Variants in ACAN observed in about 807,000 individuals in gnomAD.
ACAN encodes aggrecan core protein.
A neutral mutation model predicts 169.1 loss-of-function variants in ACAN; 47 were observed. The observed-to-expected ratio is 0.28, with a 90% CI of 0.22 to 0.35. The LOEUF (loss-of-function observed/expected upper bound fraction) is 0.35, where lower values mean the gene tolerates loss of function less well. Ranked by LOEUF, ACAN falls within the 10% of genes least tolerant of loss-of-function variation. The pLI, the probability that ACAN is intolerant of heterozygous loss-of-function variation, is 1.00. For synonymous variants in ACAN, 1,115 were observed against 1,112.2 expected (o/e 1.00, Z -0.05); for missense variants, 2,716 against 2,759.9 (o/e 0.98, Z 0.36).
At chr15:88,831,717 C>G (rs1312671155) in intron 1 of ACAN, among the ~76,000 whole-genome samples, 2 of 152,186 alleles carry the variant, frequency 1.3e-5, no homozygotes, top group African/African-American at 4.8e-5. Flanking sequence ...AGCAACTCAG[C>G]CTCCTCCTTG....
chr15:88,811,278 G>A (rs1304835674), intron 1 of ACAN, among the ~76,000 whole-genome samples: 4 of 152,156 alleles, frequency 2.6e-5, no homozygotes, highest in East Asian at 3.9e-4. Context: ...GAATTTGACC[G>A]TGAAGCTTTT....
At position 88,859,187 on chromosome 15, in the gene ACAN, A is replaced by T; in HGVS notation, c.6602A>T (p.Asp2201Val). ...ASGDRTEISGDLSGHTSQLGV... is the reference protein window; with the variant it reads ...ASGDRTEISGVLSGHTSQLGV... ...GGAGACAGGACTGAAATCAGCGGAG[A>T]CCTGTCTGGTCACACCTCGCAGCTG... The change falls in exon 12 of 19, where the codon GAC (aspartate) becomes GTC (valine). Residue 2201 changes from aspartate (D) to valine (V), a missense_variant. This residue lies in a region of ACAN where 1,389 missense variants were observed against 1,363.7 expected (regional missense o/e 1.02). Transcript: ENST00000560601. 6.2e-7 allele frequency: 1 copy of T among 1,613,722 alleles called. No individual in the cohort carries two copies. Among genetic ancestry groups the T allele is most frequent in the Non-Finnish European group, 8.5e-7 (1 of 1,179,864 alleles).
At chr15:88,813,659 G>A (rs1386468247) in intron 1 of ACAN, among the ~76,000 whole-genome samples, 1 of 152,218 alleles carries the variant, frequency 6.6e-6, no homozygotes, top group Non-Finnish European at 1.5e-5. Context: ...GCATGTGCCA[G>A]GGCCATCTTT....
rs1897098284 is a variant in ACAN, at chr15:88,857,952, A to G, written c.5367A>G (p.Thr1789=). 6.2e-7 allele frequency: 1 copy of G among 1,613,624 alleles called. No homozygotes were observed. Among genetic ancestry groups the G allele is most frequent in the South Asian group, 1.1e-5 (1 of 91,050 alleles). The change falls in exon 12 of 19, where the codon ACA becomes ACG. Residue 1789 remains threonine, a synonymous_variant. Transcript: ENST00000560601. ...GCATAACTGATCTGAGTGGAGAAAC[A>G]TCTGGGGTCCCTGATCTCAGTGGGC... ...PFGITDLSGE[T]SGVPDLSGQP... is the part of the protein sequence containing the mutation.
chr15:88,844,108 G>C (rs1408853404), intron 6 of ACAN, among the ~76,000 whole-genome samples: 2 of 152,040 alleles, frequency 1.3e-5, no homozygotes, highest in Non-Finnish European at 2.9e-5. Context: ...TCTAAAAGGA[G>C]GGTCAAAATG....
At position 88,870,255 on chromosome 15, in the gene ACAN, G is replaced by A. The variant is rs1049178771; in HGVS notation, c.7061-1127G>A. The stretch of plus-strand genomic sequence containing the variant: ...TTCAGCCTAAGACTCCTTCCCCTCG[G>A]GTACTGGTCCTTCCATTCCAGGACA... On this transcript the variant is annotated intron_variant, in intron 14 of 18. Coordinates refer to ENST00000560601, the MANE Select transcript of ACAN (RefSeq NM_001369268.1). The surrounding 1 kb of genome is among the most constrained non-coding windows in gnomAD (Gnocchi z 6.3). Among the ~76,000 whole-genome samples, 2 of 152,110 alleles carry A rather than the reference G, an allele frequency of 1.3e-5. No homozygotes were observed. The highest frequency in any genetic ancestry group is 4.8e-5 in the African/African-American group (2 of 41,422).
At position 88,827,759 on chromosome 15, in the gene ACAN, C is replaced by G. The variant is rs77382083; in HGVS notation, c.-7-8441C>G. On this transcript the variant is annotated intron_variant, in intron 1 of 18. Transcript: ENST00000560601. Reference sequence around the variant, plus strand: ...TTGAGAAAGGAGGCCAACTCAGCATCTCTCATTTAAGTCCTACAGCGTCCT... The same window carrying G: ...TTGAGAAAGGAGGCCAACTCAGCATGTCTCATTTAAGTCCTACAGCGTCCT... 1.1e-3 allele frequency among the ~76,000 whole-genome samples: 163 copies of G among 152,350 alleles called. No individual in the cohort carries two copies. The East Asian group carries it at 0.028, about 27-fold the overall frequency.
intron 4 of ACAN, among the ~76,000 whole-genome samples, chr15:88,840,650 T>C (rs774938188): frequency 2.0e-5 from 3 of 151,960 alleles, no homozygotes; most frequent in Non-Finnish European, 2.9e-5. Flanking sequence ...CTCAATGCAC[T>C]GTGAAGGCAA....
chr15:88,828,140 AGGCGGT>A (rs1896270425), intron 1 of ACAN, among the ~76,000 whole-genome samples: 1 of 152,194 alleles, frequency 6.6e-6, no homozygotes, highest in South Asian at 2.1e-4. Context: ...GGAGGTTTCC[AGGCGGT>A]GGCATTTGCA....
At chr15:88,823,185 G>A (rs1213765655) in intron 1 of ACAN, among the ~76,000 whole-genome samples, 2 of 152,208 alleles carry the variant, frequency 1.3e-5, no homozygotes, top group African/African-American at 2.4e-5. Flanking sequence ...TTGGCAGTCA[G>A]CGCCAAGTAA....
intron 13 of ACAN, among the ~76,000 whole-genome samples, chr15:88,863,636 C>A (rs1897238752): frequency 6.6e-6 from 1 of 152,204 alleles, no homozygotes; most frequent in Non-Finnish European, 1.5e-5. Context: ...TAAACTGAAT[C>A]AGTTTCCTTC....
In ACAN at chr15:88,868,366, G is replaced by A; in HGVS notation, c.7060+37G>A. 1.4e-6 allele frequency: 1 copy of A among 697,804 alleles called. No individual in the cohort carries two copies. Among genetic ancestry groups the A allele is most frequent in the Non-Finnish European group, 2.6e-6 (1 of 381,790 alleles). The allele number at this position is 697,804 out of a possible 1,614,324, so 43.2% of individuals were successfully genotyped here. A position where few individuals can be genotyped will look rare whatever the true frequency, so the allele number is the denominator to read the frequency against. On this transcript the variant is annotated intron_variant, in intron 14 of 18. Transcript: ENST00000560601. The surrounding 1 kb of genome is among the most constrained non-coding windows in gnomAD (Gnocchi z 5.2). ...TTGGCTTCAGCTAATGTTACTAACT[G>A]CTGCACCCCCTCCTCCTCCCTCACC...
At position 88,843,650 on chromosome 15, in the gene ACAN, T is replaced by C; in HGVS notation, c.1051+2T>C. On this transcript the variant is annotated splice_donor_variant, in intron 6 of 18. Transcript: ENST00000560601. LOFTEE classifies it high-confidence loss of function. The surrounding 1 kb of genome is among the most constrained non-coding windows in gnomAD (Gnocchi z 4.0). ...GCTACGACGCCATCTGCTACACAGG[T>C]GGGGCACGGCTGGTGGTGGGAAGGG... 1 of 1,567,022 alleles carries C rather than the reference T, an allele frequency of 6.4e-7. No individual in the cohort carries two copies. Among genetic ancestry groups the C allele is most frequent in the Non-Finnish European group, 8.7e-7 (1 of 1,148,686 alleles).
chr15:88,860,501 C>G (rs1596149653), intron 13 of ACAN, 62 bp downstream of exon 13: 1 of 1,464,364 alleles, frequency 6.8e-7, no homozygotes, highest in Non-Finnish European at 9.4e-7. Context: ...TCTTCATCCC[C>G]CAAAGGGTCC....
intron 4 of ACAN, among the ~76,000 whole-genome samples, chr15:88,840,950 C>A (rs906337684): frequency 6.6e-6 from 1 of 152,120 alleles, no homozygotes; most frequent in Non-Finnish European, 1.5e-5. Flanking sequence ...CGAGACCATC[C>A]TAGCTAACAT....
At chr15:88,846,024 C>T in intron 7 of ACAN, 142 bp downstream of exon 7, 4 of 964,766 alleles carry the variant, frequency 4.1e-6, no homozygotes, top group Non-Finnish European at 5.7e-6. Flanking sequence ...CCTTATTCTC[C>T]TCATCTGTGG....
intron 1 of ACAN, among the ~76,000 whole-genome samples, chr15:88,831,177 C>T (rs1052022707): frequency 6.6e-6 from 1 of 152,234 alleles, no homozygotes; most frequent in East Asian, 1.9e-4. Context: ...GGACTCTGGC[C>T]GGCTGGTGCC....
chr15:88,810,621 C>A (rs1308294746), intron 1 of ACAN, among the ~76,000 whole-genome samples: 1 of 152,102 alleles, frequency 6.6e-6, no homozygotes, highest in East Asian at 1.9e-4. Flanking sequence ...TAGGATGACT[C>A]AGGCAGGAAT....
In ACAN at chr15:88,849,853, G is replaced by A. The variant is rs1401538383; in HGVS notation, c.2026+122G>A. On this transcript the variant is annotated intron_variant, in intron 10 of 18. Coordinates refer to ENST00000560601, the MANE Select transcript of ACAN (RefSeq NM_001369268.1). This position sits in a 1 kb window ranked among gnomAD's most constrained non-coding sequence, Gnocchi z 5.1. ...AGAGCAAGAAAATGTCAGTCCCTCT[G>A]GGGCAGAGCCAGCTCTGAAACCAGC... is the stretch of plus-strand genomic sequence containing the variant. 2.3e-5 allele frequency: 32 copies of A among 1,383,120 alleles called. No individual in the cohort carries two copies. The highest frequency in any genetic ancestry group is 2.9e-5 in the African/African-American group (2 of 69,532). The allele number at this position is 1,383,120 out of a possible 1,614,324, so 85.7% of individuals were successfully genotyped here. A position where few individuals can be genotyped will look rare whatever the true frequency, so the allele number is the denominator to read the frequency against.
Sources: allele counts gnomAD v4.1 joint callset (sites outside exome capture counted in the v4.1 genomes callset), GRCh38; gene constraint gnomAD v4.1.1; regional missense constraint gnomAD v4.1.1; non-coding constraint Gnocchi (gnomAD v3.1); transcripts MANE v1.5; gene names NCBI Gene and HGNC (gene_info 2026-07-23, HGNC 2026-07-21).